Variants in PPP6R2 observed in about 807,000 individuals in gnomAD.
PPP6R2 encodes protein phosphatase 6 regulatory subunit 2.
PPP6R2 carries 62 observed loss-of-function variants against 100.2 expected under a neutral mutation model. The ratio of observed to expected loss-of-function variants is 0.62; its 90% CI spans 0.50 to 0.76. The LOEUF is 0.76. Ranked by LOEUF, PPP6R2 falls within the 30% of genes least tolerant of loss-of-function variation. PPP6R2 has a pLI of 0.00. For synonymous variants in PPP6R2, 525 were observed against 514.7 expected (o/e 1.02, Z -0.27); for missense variants, 1,142 against 1,276.3 (o/e 0.89, Z 1.60).
At chr22:50,419,646 C>T (rs1396659326) in intron 8 of PPP6R2, among the ~76,000 whole-genome samples, 184 bp downstream of exon 8, 4 of 152,232 alleles carry the variant, frequency 2.6e-5, no homozygotes, top group African/African-American at 9.6e-5. Flanking sequence ...CCCTTAGACC[C>T]TCATCATCAC....
chr22:50,338,874 AGT>A (rs553855768), upstream of PPP6R2, among the ~76,000 whole-genome samples: 490 of 57,304 alleles, frequency 8.6e-3, 8 homozygotes, highest in African/African-American at 0.031. Flanking sequence ...TGTGGTATGT[AGT>A]GTGTGTGTTA....
At position 50,406,782 on chromosome 22, in the gene PPP6R2, C is replaced by T. The variant is rs967476730; in HGVS notation, c.321C>T (p.Tyr107=). 13 of 1,613,936 alleles carry T rather than the reference C, an allele frequency of 8.1e-6. No homozygotes were observed. The highest frequency in any genetic ancestry group is 4.0e-5 in the African/African-American group (3 of 74,922). The change falls in exon 4 of 24, where the codon TAC becomes TAT. Residue 107 remains tyrosine, a synonymous_variant. Coordinates refer to ENST00000612753, the MANE Select transcript of PPP6R2 (RefSeq NM_001242898.2). ...ACGAGAGCCTGCTGAGCCTCCTGTA[C>T]GACTTCTTGGACCATGAGCCGCCTC... ...GGDESLLSLL[Y]DFLDHEPPLN...
intron 1 of PPP6R2, among the ~76,000 whole-genome samples, chr22:50,362,054 C>G (rs2047899903): frequency 6.6e-6 from 1 of 152,218 alleles, no homozygotes; most frequent in African/African-American, 2.4e-5. Flanking sequence ...TGGTCAGGGA[C>G]TGCCCTGATG....
rs555071325 is a variant in PPP6R2, at chr22:50,349,067, C to T, written c.-148+5517C>T. On this transcript the variant is annotated intron_variant, in intron 1 of 23. Transcript: ENST00000612753. ...AAAACTAGCCAGGCATGGTGGTGGG[C>T]GCCTGTAATCCCAGCTACTCAGGAG... Among the ~76,000 whole-genome samples, 181 of 151,754 alleles carry T rather than the reference C, an allele frequency of 1.2e-3. 1 individual carries two copies. Among genetic ancestry groups the T allele is most frequent in the African/African-American group, 4.0e-3 (165 of 41,420 alleles).
chr22:50,347,858 T>C (rs1488344231), intron 1 of PPP6R2, among the ~76,000 whole-genome samples: 2 of 152,222 alleles, frequency 1.3e-5, no homozygotes, highest in Non-Finnish European at 2.9e-5. Flanking sequence ...TTCACCTCTT[T>C]TTGATGTCCC....
At chr22:50,437,381 C>T in intron 15 of PPP6R2, 125 bp from the exon 16 acceptor site, 1 of 716,258 alleles carries the variant, frequency 1.4e-6, no homozygotes, top group Non-Finnish European at 2.4e-6. Context: ...TTACTGCCCA[C>T]TTGTGCTGGA....
At chr22:50,334,997 A>C in the PPP6R2 span, among the ~76,000 whole-genome samples, 3 of 152,018 alleles carry the variant, frequency 2.0e-5, no homozygotes, top group Non-Finnish European at 2.9e-5. Flanking sequence ...ATTTTGCCAG[A>C]GATTACATTG....
chr22:50,438,545 C>T (rs2064892180), intron 18 of PPP6R2, 54 bp from the exon 19 acceptor site: 2 of 1,590,020 alleles, frequency 1.3e-6, no homozygotes, highest in East Asian at 4.5e-5. Flanking sequence ...ACTGACCCTC[C>T]ATGTTAGGCG....
At chr22:50,399,966 G>A (rs1413736000) in intron 3 of PPP6R2, among the ~76,000 whole-genome samples, 1 of 152,236 alleles carries the variant, frequency 6.6e-6, no homozygotes, top group African/African-American at 2.4e-5. Context: ...TGGATTATTT[G>A]AGAAATAAGA....
chr22:50,333,942 G>C, the PPP6R2 span, among the ~76,000 whole-genome samples: 1 of 152,244 alleles, frequency 6.6e-6, no homozygotes, highest in Non-Finnish European at 1.5e-5. Flanking sequence ...GGGCCAGGGG[G>C]CCCTTCCCTA....
chr22:50,395,792 C>T (rs926247982), intron 3 of PPP6R2, among the ~76,000 whole-genome samples: 8 of 150,160 alleles, frequency 5.3e-5, no homozygotes, highest in Non-Finnish European at 8.9e-5. Context: ...GTTTCAGACT[C>T]CTGGGCTCAA....
intron 2 of PPP6R2, among the ~76,000 whole-genome samples, chr22:50,373,228 TATA>T (rs1322805277): frequency 6.7e-6 from 1 of 150,134 alleles, no homozygotes; most frequent in Non-Finnish European, 1.5e-5. Context: ...TTAGAATAAA[TATA>T]ATTTCTTTCT....
intron 2 of PPP6R2, among the ~76,000 whole-genome samples, chr22:50,372,980 C>T (rs2050605152): frequency 6.6e-6 from 1 of 152,056 alleles, no homozygotes; most frequent in Admixed American, 6.6e-5. Context: ...AGCCACCGCG[C>T]CCTGTCCAAA....
chr22:50,359,971 G>A (rs867995825), intron 1 of PPP6R2, among the ~76,000 whole-genome samples: 8 of 151,146 alleles, frequency 5.3e-5, no homozygotes, highest in South Asian at 2.1e-4. Flanking sequence ...GTCTTAAAAT[G>A]TCTTTATTTA....
At chr22:50,351,939 G>A (rs757360284) in intron 1 of PPP6R2, among the ~76,000 whole-genome samples, 1 of 152,134 alleles carries the variant, frequency 6.6e-6, no homozygotes, top group East Asian at 1.9e-4. Context: ...GACTACAGGT[G>A]CACACCACCA....
chr22:50,358,054 C>G (rs773580657), intron 1 of PPP6R2, among the ~76,000 whole-genome samples: 14 of 151,826 alleles, frequency 9.2e-5, no homozygotes, highest in Non-Finnish European at 1.6e-4. Context: ...GGAAGCAATC[C>G]TCCCACCTCA....
intron 12 of PPP6R2, 57 bp downstream of exon 12, chr22:50,432,386 G>A: frequency 8.2e-6 from 12 of 1,457,118 alleles, no homozygotes; most frequent in South Asian, 1.2e-5. Context: ...ATGCAGAGAC[G>A]CACCTCACCC....
At position 50,406,797 on chromosome 22, in the gene PPP6R2, T is replaced by C; in HGVS notation, c.336T>C (p.His112=). ...GCCTCCTGTACGACTTCTTGGACCATGAGCCGCCTCTCAATCCTCTGCTCG... is the reference window on the plus strand; with the variant it reads ...GCCTCCTGTACGACTTCTTGGACCACGAGCCGCCTCTCAATCCTCTGCTCG... ...LLSLLYDFLD[H]EPPLNPLLAS... Residue 112 remains histidine, a synonymous_variant, in exon 4 of 24, where the codon CAT becomes CAC. Transcript: ENST00000612753. 1 of 1,614,144 alleles carries C rather than the reference T, an allele frequency of 6.2e-7. No homozygotes were observed. Among genetic ancestry groups the C allele is most frequent in the Non-Finnish European group, 8.5e-7 (1 of 1,180,000 alleles).
chr22:50,427,350 T>G (rs2062336577), intron 10 of PPP6R2, among the ~76,000 whole-genome samples: 1 of 152,240 alleles, frequency 6.6e-6, no homozygotes, highest in South Asian at 2.1e-4. Context: ...AACTTTGTTC[T>G]TTTTCCAGAT....
Sources: gnomAD v4.1 joint callset for allele counts (sites outside exome capture counted in the v4.1 genomes callset) on GRCh38, gnomAD v4.1.1 for gene constraint, MANE v1.5 for transcripts, NCBI Gene and HGNC (gene_info 2026-07-23, HGNC 2026-07-21) for gene names.